Variants in PCDHA3 observed in about 807,000 individuals in gnomAD.
PCDHA3 encodes the protein protocadherin alpha 3.
Under a neutral mutation model 62.2 loss-of-function variants are expected in PCDHA3, and 41 were observed. That is an observed-to-expected ratio of 0.66 (90% CI 0.51 to 0.86). The LOEUF (loss-of-function observed/expected upper bound fraction) is 0.86, where lower values mean the gene tolerates loss of function less well. PCDHA3 is among the 40% of genes least tolerant of loss of function. PCDHA3 has a pLI of 0.00. For missense variants in PCDHA3, 1,304 were observed against 1,241.2 expected, an observed-to-expected ratio of 1.05 and a Z score of -0.76; for synonymous variants, 640 against 555.4, an observed-to-expected ratio of 1.15 and a Z score of -2.14.
rs868938402 is a variant in PCDHA3, at chr5:140,806,035, G to A, written c.2394+2444G>A. Among the ~76,000 whole-genome samples the A allele has an allele frequency of 7.9e-5, 12 of 152,220 alleles. No individual in the cohort carries two copies. In the South Asian group the frequency reaches 2.5e-3, roughly 32 times the overall value. On this transcript the variant is annotated intron_variant, in intron 1 of 3. Transcript: ENST00000522353. ...AAATGCTTATAAGAGATAAATTAATGTAATAAATGGCCCACGCGATTCCAC... is the reference window on the plus strand; with the variant it reads ...AAATGCTTATAAGAGATAAATTAATATAATAAATGGCCCACGCGATTCCAC...
intron 1 of PCDHA3, chr5:140,822,579 A>G (rs2150117484): frequency 1.2e-6 from 2 of 1,612,484 alleles, no homozygotes; most frequent in South Asian, 2.2e-5. Context: ...CCTCAGATGC[A>G]GATGAGGGCA....
At chr5:140,934,879 T>C (rs1202301097) in intron 1 of PCDHA3, among the ~76,000 whole-genome samples, 1 of 152,206 alleles carries the variant, frequency 6.6e-6, no homozygotes, top group African/African-American at 2.4e-5. Flanking sequence ...TGTTTGTGTA[T>C]CTTGTTTTAA....
chr5:140,974,467 A>C (rs2096628825), intron 1 of PCDHA3, among the ~76,000 whole-genome samples: 1 of 152,228 alleles, frequency 6.6e-6, no homozygotes, highest in Non-Finnish European at 1.5e-5. Context: ...TTCAGAGGAA[A>C]GTATTCCACC....
At chr5:140,992,925 C>G (rs548869982) in intron 3 of PCDHA3, among the ~76,000 whole-genome samples, 1 of 152,312 alleles carries the variant, frequency 6.6e-6, no homozygotes, top group South Asian at 2.1e-4. Flanking sequence ...TCCATACTTA[C>G]AGCAGCTCTG....
chr5:140,838,075 ATAGTGTGTGTGTGTGT>A (rs1457596432), intron 1 of PCDHA3, among the ~76,000 whole-genome samples: 1,771 of 128,230 alleles, frequency 0.014, 43 homozygotes, highest in African/African-American at 0.016. Flanking sequence ...TTATATATAT[ATAGTGTGTGTGTGTGT>A]GTGTGTGTGT....
At chr5:140,964,107 G>A (rs1298844061) in intron 1 of PCDHA3, among the ~76,000 whole-genome samples, 1 of 152,090 alleles carries the variant, frequency 6.6e-6, no homozygotes, top group Non-Finnish European at 1.5e-5. Flanking sequence ...AACAGTCTGA[G>A]CAATCACATT....
intron 1 of PCDHA3, chr5:140,875,805 C>A: frequency 6.2e-7 from 1 of 1,614,172 alleles, no homozygotes; most frequent in Non-Finnish European, 8.5e-7. Context: ...TGATCGTGGA[C>A]AGGCCGCTGC....
chr5:140,941,748 T>G (rs2093156951), intron 1 of PCDHA3, among the ~76,000 whole-genome samples: 1 of 152,210 alleles, frequency 6.6e-6, no homozygotes, highest in South Asian at 2.1e-4. Flanking sequence ...CTTATCAGAT[T>G]TTCAGTGCTT....
At chr5:140,849,982 A>T (rs2150461317) in intron 1 of PCDHA3, 3 of 1,597,430 alleles carry the variant, frequency 1.9e-6, no homozygotes, top group Non-Finnish European at 2.6e-6. Flanking sequence ...TCGCTGGTGG[A>T]GCGGCGGTTG....
intron 1 of PCDHA3, among the ~76,000 whole-genome samples, chr5:140,962,388 C>T (rs782676502): frequency 5.9e-5 from 9 of 152,254 alleles, no homozygotes; most frequent in South Asian, 4.1e-4. Flanking sequence ...GTTAATATTA[C>T]GCAATCTGCC....
At chr5:140,941,194 TCTTTCTTCCTTTCTTTCTTCC>T (rs1563183817) in intron 1 of PCDHA3, among the ~76,000 whole-genome samples, 5 of 112,350 alleles carry the variant, frequency 4.5e-5, no homozygotes, top group Admixed American at 9.1e-5. Flanking sequence ...TCTTTTTTTT[TCTTTCTTCCTTTCTTTCTTCC>T]TTTCTTTCTT....
intron 1 of PCDHA3, among the ~76,000 whole-genome samples, chr5:140,901,976 T>C (rs1470395593): frequency 6.6e-6 from 1 of 152,164 alleles, no homozygotes; most frequent in African/African-American, 2.4e-5. Context: ...ATGGGATTAC[T>C]TTTTAATTTC....
At chr5:140,916,714 G>C (rs1457405124) in intron 1 of PCDHA3, among the ~76,000 whole-genome samples, 1 of 152,172 alleles carries the variant, frequency 6.6e-6, no homozygotes, top group African/African-American at 2.4e-5. Context: ...CAGAAGGAAG[G>C]AGTGACTTTT....
In PCDHA3 at chr5:140,828,733, C is replaced by T. The variant is rs2150158342; in HGVS notation, c.2394+25142C>T. The T allele has an allele frequency of 1.4e-5, 23 of 1,614,096 alleles. No individual in the cohort carries two copies. In the Middle Eastern group the frequency reaches 8.2e-4, roughly 58 times the overall value. On this transcript the variant is annotated intron_variant, in intron 1 of 3. Transcript: ENST00000522353. ...CTGCACACAACTTATTCCTGACAGC[C>T]ACAGATGGGGGCAAACCTGAGCTCA...
At chr5:140,889,302 C>T (rs1323356979) in intron 1 of PCDHA3, among the ~76,000 whole-genome samples, 1 of 151,926 alleles carries the variant, frequency 6.6e-6, no homozygotes, top group Non-Finnish European at 1.5e-5. Flanking sequence ...TTGGAGAACT[C>T]ACTGTTGAAG....
At chr5:140,966,645 C>A in intron 1 of PCDHA3, 1 of 1,125,650 alleles carries the variant, frequency 8.9e-7, no homozygotes, top group African/African-American at 1.7e-5. Context: ...CTTTCTAGAG[C>A]GTGAGCGGTG....
chr5:140,826,260 T>C (rs1554130510), intron 1 of PCDHA3, among the ~76,000 whole-genome samples: 1 of 152,220 alleles, frequency 6.6e-6, no homozygotes, highest in Admixed American at 6.5e-5. Context: ...ATATATCAAG[T>C]CTTTATGTAT....
chr5:140,923,306 C>T (rs572766829), intron 1 of PCDHA3, among the ~76,000 whole-genome samples: 1 of 152,098 alleles, frequency 6.6e-6, no homozygotes, highest in East Asian at 1.9e-4. Flanking sequence ...GGCGTGGGGG[C>T]GCTTGGCCTA....
chr5:140,821,638 A>AT, intron 1 of PCDHA3: 1 of 1,026,086 alleles, frequency 9.7e-7, no homozygotes, highest in Non-Finnish European at 1.4e-6. Flanking sequence ...AGAAAGGAAA[A>AT]GAACCTTCCA....
Sources: gnomAD v4.1 joint callset for allele counts (sites outside exome capture counted in the v4.1 genomes callset) on GRCh38, gnomAD v4.1.1 for gene constraint, MANE v1.5 for transcripts, NCBI Gene and HGNC (gene_info 2026-07-23, HGNC 2026-07-21) for gene names.